Variants in ATAD2 observed in about 807,000 individuals in gnomAD.
The protein encoded by ATAD2 is ATPase family AAA domain-containing protein 2.
Under a neutral mutation model 168.9 loss-of-function variants are expected in ATAD2, and 62 were observed. That is an observed-to-expected ratio of 0.37 (90% CI 0.30 to 0.45). ATAD2 has a LOEUF of 0.45. ATAD2 is among the 20% of genes least tolerant of loss of function. The pLI, the probability that ATAD2 is intolerant of heterozygous loss-of-function variation, is 1.00. For synonymous variants in ATAD2, 613 were observed against 571.6 expected (o/e 1.07, Z -1.03); for missense variants, 1,419 against 1,667.8 (o/e 0.85, Z 2.60).
intron 1 of ATAD2, among the ~76,000 whole-genome samples, chr8:123,387,182 G>A (rs1019602295): frequency 4.5e-4 from 68 of 151,944 alleles, no homozygotes; most frequent in African/African-American, 1.6e-3. Flanking sequence ...TGTTTTATAA[G>A]TTTTTTCTAG....
intron 1 of ATAD2, among the ~76,000 whole-genome samples, chr8:123,384,051 A>G (rs1829574308): frequency 6.6e-6 from 1 of 151,640 alleles, no homozygotes; most frequent in South Asian, 2.1e-4. Context: ...ACTGCACTGC[A>G]GCCTGGTGAC....
At position 123,369,921 on chromosome 8, in the gene ATAD2, A is replaced by T. The variant is rs200740522; in HGVS notation, c.831T>A (p.Asp277Glu). Reference protein sequence around the residue: ...DDDDDDDDDDDEDDEDEEDGE... With the variant: ...DDDDDDDDDDEEDDEDEEDGE... The stretch of plus-strand genomic sequence containing the variant: ...CATCTTCTTCATCTTCATCATCTTC[A>T]TCATCATCATCATCATCATCATCGT... The change falls in exon 7 of 28, where the codon GAT becomes GAA. Residue 277 changes from aspartate (D) to glutamate (E), a missense_variant. By Grantham distance (45) the Asp-to-Glu change is conservative. Coordinates refer to ENST00000287394, the MANE Select transcript of ATAD2 (RefSeq NM_014109.4). 3.9e-4 allele frequency: 558 copies of T among 1,415,546 alleles called. No homozygotes were observed. The highest frequency in any genetic ancestry group is 4.8e-4 in the Non-Finnish European group (492 of 1,027,498). 87.7% of individuals were successfully genotyped at this position (1,415,546 alleles called of 1,614,324 possible).
At chr8:123,329,871 A>G (rs1274005370) in intron 24 of ATAD2, among the ~76,000 whole-genome samples, 1 of 151,862 alleles carries the variant, frequency 6.6e-6, no homozygotes, top group South Asian at 2.1e-4. Flanking sequence ...TTCTGTCTAG[A>G]CTAGATGCAG....
chr8:123,380,179 G>T, intron 2 of ATAD2, among the ~76,000 whole-genome samples: 1 of 151,860 alleles, frequency 6.6e-6, no homozygotes, highest in Non-Finnish European at 1.5e-5. Flanking sequence ...AGCCTCCCGA[G>T]TAGCTGGGAT....
At chr8:123,359,139 G>T in intron 11 of ATAD2, 82 bp downstream of exon 11, 1 of 911,798 alleles carries the variant, frequency 1.1e-6, no homozygotes, top group Non-Finnish European at 1.6e-6. Context: ...CTTAAAAATG[G>T]GTTAATAAGC....
rs765915687 is a variant in ATAD2, at chr8:123,334,024, TATAA to T, written c.3335-7_3335-4del. The T allele has an allele frequency of 3.1e-6, 5 of 1,605,084 alleles. No homozygotes were observed. The African/African-American group carries it at 4.0e-5, about 13-fold the overall frequency. On this transcript the variant is annotated splice_polypyrimidine_tract_variant and splice_region_variant and intron_variant, in intron 23 of 27. Transcript: ENST00000287394. ...GGCATATTTGGAGGAGCTACAACCTTATAAATAGATATGTGGGATGTCAAAAGGA... is the reference window on the plus strand; with the variant it reads ...GGCATATTTGGAGGAGCTACAACCTTATAGATATGTGGGATGTCAAAAGGA...
rs373563715 is a variant in ATAD2, at chr8:123,320,175, T to A, written c.*959A>T. 1 of 152,102 alleles carries A rather than the reference T, an allele frequency of 6.6e-6. No individual in the cohort carries two copies. The highest frequency in any genetic ancestry group is 2.1e-4 in the South Asian group (1 of 4,826). The allele number at this position is 152,102 out of a possible 1,614,324, so 9.4% of individuals were successfully genotyped here. On this transcript the variant is annotated 3_prime_UTR_variant, in exon 28 of 28. Transcript: ENST00000287394. ...AGAATCTCTCATTTTAGATGACCAT[T>A]CCTTATTCCCCTCAAAAGGTTTCCA... is the stretch of plus-strand genomic sequence containing the variant.
Position 123,381,453 on chromosome 8 carries a change from A to T in ATAD2, c.172-776T>A, listed in dbSNP as rs115830073. Among the ~76,000 whole-genome samples, 335 of 152,066 alleles carry T rather than the reference A, an allele frequency of 2.2e-3. 1 individual carries two copies. Among genetic ancestry groups the T allele is most frequent in the African/African-American group, 7.3e-3 (301 of 41,380 alleles). ...GAGGTGGAGGTTGCAGTGACCCGTGATCGCGCCACTGCACTCCAGCCTGGG... is the reference window on the plus strand; with the variant it reads ...GAGGTGGAGGTTGCAGTGACCCGTGTTCGCGCCACTGCACTCCAGCCTGGG... On this transcript the variant is annotated intron_variant, in intron 1 of 27. Transcript: ENST00000287394.
At chr8:123,381,324 C>A (rs946424462) in intron 1 of ATAD2, among the ~76,000 whole-genome samples, 10 of 152,012 alleles carry the variant, frequency 6.6e-5, no homozygotes, top group Non-Finnish European at 1.0e-4. Flanking sequence ...CGTGGCAAAA[C>A]CCCATCTCTA....
intron 1 of ATAD2, among the ~76,000 whole-genome samples, chr8:123,409,046 T>C (rs1563873377): frequency 6.7e-6 from 1 of 150,220 alleles, no homozygotes; most frequent in African/African-American, 2.5e-5. Flanking sequence ...CAGACTCATC[T>C]AACTCCTGAC....
rs1827841815 is a variant in ATAD2 at position 123,333,755 on chromosome 8, T to C, written c.3478+123A>G. 5 of 1,125,308 alleles carry C rather than the reference T, an allele frequency of 4.4e-6. No individual in the cohort carries two copies. In the South Asian group the frequency reaches 1.0e-4, roughly 23 times the overall value. 69.7% of individuals were successfully genotyped at this position (1,125,308 alleles called of 1,614,324 possible). ...TTTCAAGAATGCAAAGTTGTCTTAA[T>C]AGTAACAAAATCAATGTAATTCACT... On this transcript the variant is annotated intron_variant, in intron 24 of 27. Transcript: ENST00000287394.
At chr8:123,354,464 G>C (rs569486264) in intron 13 of ATAD2, among the ~76,000 whole-genome samples, 1 of 152,094 alleles carries the variant, frequency 6.6e-6, no homozygotes, top group Non-Finnish European at 1.5e-5. Context: ...CCAGCACTTT[G>C]GGAGGCAGAG....
In ATAD2 at chr8:123,347,486, T is replaced by C. The variant is rs1402206331; in HGVS notation, c.1898-80A>G. 2.6e-6 allele frequency: 3 copies of C among 1,176,270 alleles called. No individual in the cohort carries two copies. The African/African-American group carries it at 4.7e-5, about 18-fold the overall frequency. The allele number at this position is 1,176,270 out of a possible 1,614,324, so 72.9% of individuals were successfully genotyped here. On this transcript the variant is annotated intron_variant, in intron 15 of 27. Transcript: ENST00000287394. The stretch of plus-strand genomic sequence containing the variant: ...AAAACTCTATTAGCATGACCATGGT[T>C]AAAAAAAAAATTAAAAATCAGCCTC...
At chr8:123,348,520 T>C (rs1342714651) in intron 14 of ATAD2, among the ~76,000 whole-genome samples, 1 of 152,018 alleles carries the variant, frequency 6.6e-6, no homozygotes, top group Non-Finnish European at 1.5e-5. Context: ...CTACTAAAAA[T>C]ACAAAGATTA....
chr8:123,363,799 T>C (rs1230864575), intron 8 of ATAD2, among the ~76,000 whole-genome samples: 1 of 152,156 alleles, frequency 6.6e-6, no homozygotes, highest in Non-Finnish European at 1.5e-5. Context: ...TAATTAAAAT[T>C]TTGGAAAAGT....
intron 20 of ATAD2, among the ~76,000 whole-genome samples, chr8:123,338,954 C>G (rs1355445638): frequency 6.6e-6 from 1 of 152,074 alleles, no homozygotes; most frequent in African/African-American, 2.4e-5. Context: ...GAGATAGAAG[C>G]TTTACTGATG....
Position 123,396,234 on chromosome 8 carries a change from C to T in ATAD2, c.124G>A (p.Ala42Thr). 1.2e-6 allele frequency: 2 copies of T among 1,603,990 alleles called. No homozygotes were observed. The highest frequency in any genetic ancestry group is 1.7e-6 in the Non-Finnish European group (2 of 1,177,832). Residue 42 changes from alanine to threonine, a missense_variant, in exon 1 of 28, where the codon GCC becomes ACC. Physicochemically the swap from Ala to Thr is moderately conservative, Grantham distance 58 (BLOSUM62 0). This residue lies in a region of ATAD2 where 419 missense variants were observed against 423.5 expected (regional missense o/e 0.99). Transcript: ENST00000287394. ...GCGGGTTTCTTCTGCGCCGCGCCGG[C>T]CGAGCGGAGCCGCCTCCGGCCGATG... ...EHIGRRRLRS[A>T]GAAQKKPAAT...
intron 8 of ATAD2, among the ~76,000 whole-genome samples, chr8:123,367,917 T>C (rs1052038181): frequency 1.3e-5 from 2 of 152,244 alleles, no homozygotes; most frequent in South Asian, 2.1e-4. Context: ...TCAGATGGTC[T>C]GTCTCTAGGA....
intron 19 of ATAD2, among the ~76,000 whole-genome samples, chr8:123,343,168 G>A (rs917801895): frequency 6.6e-6 from 1 of 151,922 alleles, no homozygotes; most frequent in Non-Finnish European, 1.5e-5. Context: ...TAGAGACAAG[G>A]TTTCACCATG....
Sources: allele counts gnomAD v4.1 joint callset (sites outside exome capture counted in the v4.1 genomes callset), GRCh38; gene constraint gnomAD v4.1.1; regional missense constraint gnomAD v4.1.1; transcripts MANE v1.5; gene names NCBI Gene and HGNC (gene_info 2026-07-23, HGNC 2026-07-21).